ETF1: variants seen among roughly 807,000 people sequenced by gnomAD.
ETF1 encodes eukaryotic translation termination factor 1.
In ETF1, 4 loss-of-function variants were observed where a neutral mutation model predicts 55.1. That is an observed-to-expected ratio of 0.07 (90% CI 0.04 to 0.17). The LOEUF is 0.17. ETF1 is among the 10% of genes least tolerant of loss of function. ETF1 has a pLI of 1.00. For synonymous variants in ETF1, 157 were observed against 182.3 expected, an observed-to-expected ratio of 0.86 and a Z score of 1.12; for missense variants, 142 against 523.6, an observed-to-expected ratio of 0.27 and a Z score of 7.11.
At chr5:138,531,811 C>T (rs1214865506) in intron 2 of ETF1, among the ~76,000 whole-genome samples, 3 of 152,146 alleles carry the variant, frequency 2.0e-5, no homozygotes, top group African/African-American at 7.2e-5. Flanking sequence ...CTTTGGGAGG[C>T]CAAGGTGGGC....
chr5:138,509,751 C>T (rs970834444), intron 9 of ETF1, among the ~76,000 whole-genome samples: 13 of 151,876 alleles, frequency 8.6e-5, no homozygotes, highest in African/African-American at 3.1e-4. Context: ...AAAAATTAGT[C>T]AGGCGTGGTG....
At chr5:138,512,197 CAAAAAAAAAAAAAAAA>C (rs58386195) in intron 6 of ETF1, among the ~76,000 whole-genome samples, 1 of 2,840 alleles carries the variant, frequency 3.5e-4, no homozygotes, top group Non-Finnish European at 5.6e-4. Context: ...GACCCAGTCT[CAAAAAAAAAAAAAAAA>C]AAAAAAAAAA....
chr5:138,517,780 T>C (rs1236265688), intron 3 of ETF1, 80 bp from the exon 4 acceptor site: 14 of 1,336,198 alleles, frequency 1.0e-5, no homozygotes, highest in South Asian at 2.5e-5. Context: ...TCCCATAGCC[T>C]ATTTTCCCTG....
intron 2 of ETF1, among the ~76,000 whole-genome samples, chr5:138,537,102 C>T (rs547063207): frequency 3.3e-5 from 5 of 152,166 alleles, no homozygotes; most frequent in East Asian, 1.9e-4. Context: ...CCAGATACAA[C>T]GGCTGTTAGG....
chr5:138,511,826 C>A (rs1266725165), intron 6 of ETF1: 2 of 983,654 alleles, frequency 2.0e-6, no homozygotes, highest in Non-Finnish European at 2.4e-6. Context: ...TACTATAGGA[C>A]AACTCATTAA....
intron 2 of ETF1, among the ~76,000 whole-genome samples, chr5:138,525,943 T>TAAAAAA (rs35058160): frequency 2.2e-5 from 3 of 133,806 alleles, no homozygotes; most frequent in South Asian, 2.4e-4. Context: ...AGACTCTGTT[T>TAAAAAA]AAAAAAAAAA....
chr5:138,507,746 C>G lies in ETF1; in HGVS notation c.*559G>C, dbSNP rs553425220. The G allele has an allele frequency of 2.0e-5, 3 of 152,950 alleles. No homozygotes were observed. In the South Asian group the frequency reaches 6.2e-4, roughly 32 times the overall value. 9.5% of individuals were successfully genotyped at this position (152,950 alleles called of 1,614,324 possible). A position where few individuals can be genotyped will look rare whatever the true frequency, so the allele number is the denominator to read the frequency against. ...TGAAGTTGAAAGTGCCTCCTATTAG[C>G]TCACCCTTTCAACATTAAACAGAGA... On this transcript the variant is annotated 3_prime_UTR_variant, in exon 11 of 11. Transcript: ENST00000360541.
Position 138,530,913 on chromosome 5 carries a change from T to C in ETF1, c.86+11920A>G, listed in dbSNP as rs190838986. Among the ~76,000 whole-genome samples the C allele has an allele frequency of 1.3e-3, 195 of 152,326 alleles. 5 individuals are homozygous for C. The highest frequency in any genetic ancestry group is 0.013 in the Admixed American group (193 of 15,298). The stretch of plus-strand genomic sequence containing the variant: ...AGAACTAGGGTTGAGAATCACTGCA[T>C]CTGGCTTGCTTTCTTCACAGGGTCA... On this transcript the variant is annotated intron_variant, in intron 2 of 10. Coordinates refer to ENST00000360541, the MANE Select transcript of ETF1 (RefSeq NM_004730.4).
chr5:138,539,224 T>C (rs137883131), intron 2 of ETF1, among the ~76,000 whole-genome samples: 1 of 152,236 alleles, frequency 6.6e-6, no homozygotes, highest in African/African-American at 2.4e-5. Context: ...CATTCACCAC[T>C]GTCCCTGGCT....
chr5:138,517,760 T>C (rs1332260973), intron 3 of ETF1, 60 bp from the exon 4 acceptor site: 17 of 1,355,420 alleles, frequency 1.3e-5, no homozygotes, highest in Middle Eastern at 2.0e-4. Context: ...CGTCAATTAA[T>C]AGAAAATGTT....
chr5:138,532,544 G>A (rs1264863206), intron 2 of ETF1, among the ~76,000 whole-genome samples: 1 of 152,190 alleles, frequency 6.6e-6, no homozygotes, highest in East Asian at 1.9e-4. Flanking sequence ...AGTACCAGTT[G>A]GAAAGAAGTA....
chr5:138,528,360 C>T (rs1164584902), intron 2 of ETF1, among the ~76,000 whole-genome samples: 1 of 152,196 alleles, frequency 6.6e-6, no homozygotes, highest in Non-Finnish European at 1.5e-5. Context: ...TTAAGATAAG[C>T]AGCTACTTAC....
intron 2 of ETF1, chr5:138,529,810 T>G: frequency 4.7e-6 from 3 of 633,038 alleles, no homozygotes; most frequent in Non-Finnish European, 5.9e-6. Context: ...TGGAGTGCAG[T>G]GGCACAATCA....
intron 2 of ETF1, among the ~76,000 whole-genome samples, chr5:138,542,393 G>GA (rs1286677431): frequency 1.3e-5 from 2 of 152,178 alleles, no homozygotes; most frequent in East Asian, 3.8e-4. Context: ...CAGAAGCCCA[G>GA]AAGGGAGAGG....
At chr5:138,519,271 GTCTT>G in intron 2 of ETF1, 1 of 809,712 alleles carries the variant, frequency 1.2e-6, no homozygotes, top group Non-Finnish European at 1.5e-6. Context: ...GATGCAATGA[GTCTT>G]TCCAAAGTCT....
In ETF1 at chr5:138,529,162, CCAAA is replaced by C. The variant is rs148420663; in HGVS notation, c.87-10299_87-10296del. Reference sequence around the variant, plus strand: ...AAAACAAAACCAACAAAAACCAAAACCAAACAAACAAACAAACAAAAAAAACAAG... The same window carrying C: ...AAAACAAAACCAACAAAAACCAAAACCAAACAAACAAACAAAAAAAACAAG... On this transcript the variant is annotated intron_variant, in intron 2 of 10. Transcript: ENST00000360541. 9.3e-4 allele frequency among the ~76,000 whole-genome samples: 141 copies of C among 151,408 alleles called. 1 individual carries two copies. The East Asian group carries it at 9.5e-3, about 10-fold the overall frequency.
At chr5:138,525,643 C>T (rs1282743031) in intron 2 of ETF1, among the ~76,000 whole-genome samples, 1 of 151,984 alleles carries the variant, frequency 6.6e-6, no homozygotes, top group Admixed American at 6.6e-5. Context: ...CCGAAGCACA[C>T]TAAAAAATGC....
At chr5:138,532,713 C>T (rs1765754360) in intron 2 of ETF1, among the ~76,000 whole-genome samples, 1 of 152,146 alleles carries the variant, frequency 6.6e-6, no homozygotes, top group South Asian at 2.1e-4. Flanking sequence ...TTCCACAGAA[C>T]AAAAGAGCTA....
intron 3 of ETF1, among the ~76,000 whole-genome samples, chr5:138,518,206 A>C (rs1765099924): frequency 6.8e-6 from 1 of 146,686 alleles, no homozygotes; most frequent in African/African-American, 2.6e-5. Context: ...CTCATCCCAA[A>C]AAAAAAAAAA....
Sources: allele counts gnomAD v4.1 joint callset (sites outside exome capture counted in the v4.1 genomes callset), GRCh38; gene constraint gnomAD v4.1.1; transcripts MANE v1.5; gene names NCBI Gene and HGNC (gene_info 2026-07-23, HGNC 2026-07-21).